Variants in RAF1 observed in about 807,000 individuals in gnomAD.
RAF1 encodes RAF proto-oncogene serine/threonine-protein kinase.
RAF1 carries 27 observed loss-of-function variants against 81.1 expected under a neutral mutation model. That is an observed-to-expected ratio of 0.33 (90% CI 0.25 to 0.46). The LOEUF (loss-of-function observed/expected upper bound fraction) is 0.46, where lower values mean the gene tolerates loss of function less well. RAF1 is among the 20% of genes least tolerant of loss of function. RAF1 has a pLI of 1.00. For missense variants in RAF1, 598 were observed against 826.0 expected (o/e 0.72, Z 3.38); for synonymous variants, 298 against 294.0 (o/e 1.01, Z -0.14).
At chr3:12,661,360 G>C (rs1187526947) in intron 1 of RAF1, among the ~76,000 whole-genome samples, 1 of 152,022 alleles carries the variant, frequency 6.6e-6, no homozygotes, top group East Asian at 1.9e-4. Flanking sequence ...TTTGATGTTT[G>C]TTTTCTATAG....
rs876657969 is a variant in RAF1 at position 12,608,835 on chromosome 3, T to G, written c.512A>C (p.Lys171Thr). 1.2e-6 allele frequency: 2 copies of G among 1,614,070 alleles called. No individual in the cohort carries two copies. The highest frequency in any genetic ancestry group is 1.7e-6 in the Non-Finnish European group (2 of 1,180,028). Reference sequence around the variant, plus strand: ...TTTGGTGCTACAGTGCTCATGAAATTTGTAGCCACAAGTCTGACATCGAAA... The same window carrying G: ...TTTGGTGCTACAGTGCTCATGAAATGTGTAGCCACAAGTCTGACATCGAAA... Residue 171 changes from lysine to threonine, a missense_variant, in exon 5 of 18, where the codon AAA becomes ACA. This residue lies in a region of RAF1 where 89 missense variants were observed against 169.2 expected (regional missense o/e 0.53). Coordinates refer to ENST00000442415, the MANE Select transcript of RAF1 (RefSeq NM_001354689.3).
In RAF1 at chr3:12,627,869, T is replaced by C. The variant is rs142660135; in HGVS notation, c.-26-9122A>G. On this transcript the variant is annotated intron_variant, in intron 1 of 17. Transcript: ENST00000442415. The stretch of plus-strand genomic sequence containing the variant: ...GCACACTGGCTCACGCCTGTAATCC[T>C]AGCACTATGGGAGGCCGAAGCAGGT... 1.8e-3 allele frequency among the ~76,000 whole-genome samples: 272 copies of C among 152,318 alleles called. 1 individual carries two copies. Among genetic ancestry groups the C allele is most frequent in the African/African-American group, 6.3e-3 (264 of 41,576 alleles).
chr3:12,642,328 A>G (rs2060214356), intron 1 of RAF1, among the ~76,000 whole-genome samples: 1 of 116,968 alleles, frequency 8.5e-6, no homozygotes, highest in Non-Finnish European at 2.0e-5. Flanking sequence ...AAAAAAACAA[A>G]AACAAACAAA....
chr3:12,612,902 A>C (rs1052089432), intron 2 of RAF1, among the ~76,000 whole-genome samples: 4 of 152,220 alleles, frequency 2.6e-5, no homozygotes, highest in African/African-American at 9.7e-5. Flanking sequence ...TTATGATCAA[A>C]ATTTGTACTT....
At chr3:12,636,539 C>T (rs1383633300) in intron 1 of RAF1, among the ~76,000 whole-genome samples, 4 of 150,886 alleles carry the variant, frequency 2.7e-5, no homozygotes, top group Non-Finnish European at 5.9e-5. Flanking sequence ...GGTGTGGTGG[C>T]TCATGCCTGT....
chr3:12,626,905 T>A (rs887101625), intron 1 of RAF1, among the ~76,000 whole-genome samples: 1 of 150,848 alleles, frequency 6.6e-6, no homozygotes, highest in African/African-American at 2.4e-5. Context: ...ACGCCTGTAG[T>A]CCCAGCTACT....
At chr3:12,600,559 C>CAAGG in intron 8 of RAF1, 144 bp from the exon 8 acceptor site, 4 of 896,252 alleles carry the variant, frequency 4.5e-6, no homozygotes, top group South Asian at 1.5e-5. Flanking sequence ...ATACTCTAAT[C>CAAGG]AACGTTCCTT....
At chr3:12,654,724 A>G (rs1316117841) in intron 1 of RAF1, among the ~76,000 whole-genome samples, 1 of 146,020 alleles carries the variant, frequency 6.8e-6, no homozygotes, top group African/African-American at 2.5e-5. Context: ...AGGATGAAAG[A>G]AAGTGTTCTT....
At chr3:12,605,320 C>G (rs966744463) in intron 6 of RAF1, among the ~76,000 whole-genome samples, 12 of 146,724 alleles carry the variant, frequency 8.2e-5, no homozygotes, top group South Asian at 2.1e-4. Context: ...CAGAGTCTTG[C>G]TCTGTCACCA....
chr3:12,632,355 T>A (rs1261262397), intron 1 of RAF1, among the ~76,000 whole-genome samples: 1 of 141,938 alleles, frequency 7.0e-6, no homozygotes, highest in Non-Finnish European at 1.5e-5. Context: ...TAGGCTTGGG[T>A]GAATTGTCAA....
At chr3:12,585,446 C>T in intron 15 of RAF1, 193 bp from the exon 15 acceptor site, 2 of 985,182 alleles carry the variant, frequency 2.0e-6, no homozygotes, top group Non-Finnish European at 2.4e-6. Flanking sequence ...TTTAAAGGAC[C>T]AAGACCCAGC....
intron 8 of RAF1, 40 bp from the exon 8 acceptor site, chr3:12,600,455 A>C (rs768979556): frequency 6.2e-6 from 10 of 1,611,654 alleles, no homozygotes; most frequent in East Asian, 2.2e-5. Flanking sequence ...CCTACACACA[A>C]AAGATTTTCT....
chr3:12,645,906 T>C (rs986406335), intron 1 of RAF1, among the ~76,000 whole-genome samples: 2 of 152,136 alleles, frequency 1.3e-5, no homozygotes, highest in Non-Finnish European at 2.9e-5. Flanking sequence ...ATATTGTTTG[T>C]AAATAATGCA....
At chr3:12,585,616 A>G (rs781370025) in intron 15 of RAF1, 65 bp downstream of exon 14, 1 of 1,450,196 alleles carries the variant, frequency 6.9e-7, no homozygotes, top group Non-Finnish European at 9.7e-7. Context: ...AAGTTTGCAC[A>G]TAAATCTCCA....
chr3:12,585,241 T>A lies in RAF1; in HGVS notation c.1609A>T (p.Ile537Phe). The stretch of plus-strand genomic sequence containing the variant: ...AATGGGTTGTTATCCTGCATTCGGA[T>A]CACCTCTGGGGCCTACATGTATCAC... The change falls in exon 16 of 18, where the codon ATC (isoleucine) becomes TTC (phenylalanine). Residue 537 changes from isoleucine (I) to phenylalanine (F), a missense_variant. Physicochemically the swap from Ile to Phe is conservative, Grantham distance 21. Transcript: ENST00000442415. 1 of 1,614,142 alleles carries A rather than the reference T, an allele frequency of 6.2e-7. No homozygotes were observed. The highest frequency in any genetic ancestry group is 1.1e-5 in the South Asian group (1 of 91,078).
chr3:12,646,153 T>C (rs1454562936), intron 1 of RAF1, among the ~76,000 whole-genome samples: 1 of 152,160 alleles, frequency 6.6e-6, no homozygotes, highest in Non-Finnish European at 1.5e-5. Flanking sequence ...AATCTTTGTT[T>C]TTTAGAGACG....
chr3:12,611,254 C>CTGT (rs1487810071), intron 3 of RAF1, among the ~76,000 whole-genome samples: 11 of 151,834 alleles, frequency 7.2e-5, no homozygotes, highest in African/African-American at 2.4e-4. Flanking sequence ...GGATCTTGCT[C>CTGT]CAGCCCAGGC....
chr3:12,584,622 T>A lies in RAF1; in HGVS notation c.1899A>T (p.Leu633=), dbSNP rs2058260577. The A allele has an allele frequency of 6.2e-7, 1 of 1,613,894 alleles. No individual in the cohort carries two copies. Among genetic ancestry groups the A allele is most frequent in the Non-Finnish European group, 8.5e-7 (1 of 1,179,958 alleles). The change falls in exon 18 of 18, where the codon CTA becomes CTT. Residue 633 remains leucine (L), a synonymous_variant. Coordinates refer to ENST00000442415, the MANE Select transcript of RAF1 (RefSeq NM_001354689.3). ...CGGAAGCGCTCCGGTTGATCTTCGG[T>A]AGAGAGTGTTGGAGCAGCTCAATGG...
chr3:12,590,819 C>T lies in RAF1; in HGVS notation c.1409G>A (p.Arg470Gln), dbSNP rs886041642. ...TCACTCCATTCCCTGAGCCGTCTGC[C>T]GGGCAATGTCAATTAGCTGGAACAT... Residue 470 changes from arginine (R) to glutamine (Q), a missense_variant, in exon 13 of 18, where the codon CGG (arginine) becomes CAG (glutamine). Physicochemically the swap from Arg to Gln is conservative, Grantham distance 43 (BLOSUM62 1). Transcript: ENST00000442415. 2.5e-6 allele frequency: 4 copies of T among 1,613,716 alleles called. No individual in the cohort carries two copies. The highest frequency in any genetic ancestry group is 1.7e-6 in the Non-Finnish European group (2 of 1,179,886).
Sources: gnomAD v4.1 joint callset for allele counts (sites outside exome capture counted in the v4.1 genomes callset) on GRCh38, gnomAD v4.1.1 for gene constraint, gnomAD v4.1.1 regional missense constraint, MANE v1.5 for transcripts, NCBI Gene and HGNC (gene_info 2026-07-23, HGNC 2026-07-21) for gene names.